The following DGKB variants were observed in gnomAD, a reference collection of about 807,000 sequenced individuals.
DGKB encodes the protein 90 kDa diacylglycerol kinase.
DGKB carries 67 observed loss-of-function variants against 114.3 expected under a neutral mutation model. The observed-to-expected ratio is 0.59, with a 90% CI of 0.48 to 0.72. The LOEUF is 0.72. Ranked by LOEUF, DGKB falls within the 30% of genes least tolerant of loss-of-function variation. The probability of loss-of-function intolerance (pLI) is 0.00; values close to 1 mark genes in which losing one functional copy is unlikely to be tolerated. For missense variants in DGKB, 907 were observed against 975.2 expected (o/e 0.93, Z 0.93); for synonymous variants, 398 against 323.1 (o/e 1.23, Z -2.49).
chr7:14,330,414 A>C (rs1404375009), intron 23 of DGKB, among the ~76,000 whole-genome samples: 1 of 151,928 alleles, frequency 6.6e-6, no homozygotes, highest in Admixed American at 6.6e-5. Flanking sequence ...ATTTCTTTTC[A>C]GGAATGAACA....
intron 23 of DGKB, among the ~76,000 whole-genome samples, chr7:14,302,517 G>A (rs189726447): frequency 6.6e-6 from 1 of 152,052 alleles, no homozygotes; most frequent in African/African-American, 2.4e-5. Flanking sequence ...GCCTGCCCCC[G>A]GCCCCATTGC....
intron 21 of DGKB, among the ~76,000 whole-genome samples, chr7:14,349,288 C>T (rs543461794): frequency 6.6e-6 from 1 of 152,044 alleles, no homozygotes; most frequent in African/African-American, 2.4e-5. Flanking sequence ...ACGAGAATAC[C>T]AGAGTCTAAA....
At chr7:14,423,727 T>C (rs937972703) in intron 21 of DGKB, among the ~76,000 whole-genome samples, 1 of 152,126 alleles carries the variant, frequency 6.6e-6, no homozygotes, top group Non-Finnish European at 1.5e-5. Flanking sequence ...GATGACTGCA[T>C]TAAAATCATT....
At chr7:14,798,893 G>A (rs1014490742) in intron 2 of DGKB, among the ~76,000 whole-genome samples, 1 of 152,212 alleles carries the variant, frequency 6.6e-6, no homozygotes, top group Admixed American at 6.5e-5. Context: ...CAAAGGCCAA[G>A]TGGAAGACAA....
chr7:14,919,062 G>GCGCGCA (rs1213217913), intron 1 of DGKB, among the ~76,000 whole-genome samples: 14 of 118,150 alleles, frequency 1.2e-4, no homozygotes, highest in African/African-American at 3.1e-4. Context: ...TCCACCACAC[G>GCGCGCA]CACACACACA....
chr7:14,375,584 T>C (rs2128665076), intron 21 of DGKB, among the ~76,000 whole-genome samples: 1 of 152,338 alleles, frequency 6.6e-6, no homozygotes, highest in South Asian at 2.1e-4. Flanking sequence ...TTCTTCCCCC[T>C]ATTAACCACA....
At chr7:14,176,720 A>AAGACT (rs3216996) in intron 25 of DGKB, 119 bp downstream of exon 25, 72,130 of 1,522,684 alleles carry the variant, frequency 0.047, 3,936 homozygotes, top group East Asian at 0.32. Flanking sequence ...CAACAACAAA[A>AAGACT]AGACTATTTG....
intron 13 of DGKB, among the ~76,000 whole-genome samples, chr7:14,672,289 T>C (rs538526218): frequency 3.3e-5 from 5 of 152,258 alleles, no homozygotes; most frequent in Admixed American, 3.3e-4. Flanking sequence ...ATAACTTTAA[T>C]TTTCAAAGTA....
At chr7:14,540,345 T>C (rs1793219466) in intron 20 of DGKB, among the ~76,000 whole-genome samples, 1 of 152,172 alleles carries the variant, frequency 6.6e-6, no homozygotes, top group African/African-American at 2.4e-5. Flanking sequence ...CATTGTATTA[T>C]GTATGTTCTG....
At position 14,747,532 on chromosome 7, in the gene DGKB, A is replaced by T. The variant is rs570329831; in HGVS notation, c.168+6396T>A. 5.3e-5 allele frequency among the ~76,000 whole-genome samples: 8 copies of T among 152,240 alleles called. No homozygotes were observed. The East Asian group carries it at 1.5e-3, about 29-fold the overall frequency. On this transcript the variant is annotated intron_variant, in intron 4 of 25. Coordinates refer to ENST00000402815, the MANE Select transcript of DGKB (RefSeq NM_001350709.2). The stretch of plus-strand genomic sequence containing the variant: ...ATTAGACATTTCTGATAAATGGATG[A>T]TATCTTCATCTGTACATTTTCCTTA...
chr7:14,528,979 G>T (rs1791103806), intron 20 of DGKB, among the ~76,000 whole-genome samples: 1 of 151,928 alleles, frequency 6.6e-6, no homozygotes, highest in South Asian at 2.1e-4. Context: ...GGATTCAGTG[G>T]CTAAACCCAA....
chr7:14,954,514 C>A (rs972257997), intron 1 of DGKB, among the ~76,000 whole-genome samples: 3 of 151,856 alleles, frequency 2.0e-5, no homozygotes, highest in Non-Finnish European at 4.4e-5. Flanking sequence ...TTACTCCAGC[C>A]ACTGAATTGA....
intron 23 of DGKB, among the ~76,000 whole-genome samples, chr7:14,183,394 T>A (rs887260880): frequency 3.9e-5 from 6 of 152,196 alleles, no homozygotes; most frequent in Admixed American, 1.3e-4. Context: ...AGGAAGAGTT[T>A]TAGCAAAAAT....
intron 20 of DGKB, among the ~76,000 whole-genome samples, chr7:14,533,916 G>T (rs764825719): frequency 6.6e-6 from 1 of 151,976 alleles, no homozygotes; most frequent in South Asian, 2.1e-4. Context: ...TACTAAGGAA[G>T]TTCTTCAAGT....
intron 1 of DGKB, among the ~76,000 whole-genome samples, chr7:14,938,889 T>C (rs545056646): frequency 7.3e-4 from 111 of 152,300 alleles, no homozygotes; most frequent in African/African-American, 2.5e-3. Flanking sequence ...TACCATGTAA[T>C]TAATACCTGT....
chr7:14,356,352 C>CTTTTTTTTTTT lies in DGKB; in HGVS notation c.1836-10972_1836-10962dup, dbSNP rs997102742. 2.7e-4 allele frequency among the ~76,000 whole-genome samples: 21 copies of CTTTTTTTTTTT among 77,220 alleles called. 3 individuals carry two copies. The highest frequency in any genetic ancestry group is 3.8e-4 in the East Asian group (1 of 2,602). 50.7% of individuals were successfully genotyped at this position (77,220 alleles called of 152,430 possible). Reference sequence around the variant, plus strand: ...TTTGTTTGCTCTTGCTTCTCTAGTTCTTTTTTTTTTTTTTTTTTTTTTTTT... The same window carrying CTTTTTTTTTTT: ...TTTGTTTGCTCTTGCTTCTCTAGTTCTTTTTTTTTTTTTTTTTTTTTTTTTTTTTTTTTTTT... On this transcript the variant is annotated intron_variant, in intron 21 of 25. Transcript: ENST00000402815.
intron 2 of DGKB, among the ~76,000 whole-genome samples, chr7:14,827,705 A>G (rs896166495): frequency 6.6e-6 from 1 of 152,092 alleles, no homozygotes. Context: ...ATGGAGAAGA[A>G]AGACTTATGG....
intron 1 of DGKB, among the ~76,000 whole-genome samples, chr7:14,900,162 G>C (rs1782785063): frequency 6.6e-6 from 1 of 152,162 alleles, no homozygotes; most frequent in South Asian, 2.1e-4. Context: ...GGGCTATCAA[G>C]TAGTTGAACC....
At chr7:14,473,535 G>A (rs1185382179) in intron 21 of DGKB, among the ~76,000 whole-genome samples, 1 of 152,148 alleles carries the variant, frequency 6.6e-6, no homozygotes, top group Non-Finnish European at 1.5e-5. Flanking sequence ...CCCTACTGGG[G>A]CACCACCTAG....
Sources: allele counts gnomAD v4.1 joint callset (sites outside exome capture counted in the v4.1 genomes callset), GRCh38; gene constraint gnomAD v4.1.1; transcripts MANE v1.5; gene names NCBI Gene and HGNC (gene_info 2026-07-23, HGNC 2026-07-21).